The following LYRM7 variants were observed in gnomAD, a reference collection of about 807,000 sequenced individuals.
LYRM7 encodes the protein complex III assembly factor LYRM7.
In LYRM7, 9 loss-of-function variants were observed where a neutral mutation model predicts 15.8. The observed-to-expected ratio is 0.57, with a 90% confidence interval of 0.34 to 0.99. LYRM7 has a LOEUF of 0.99. Ranked by LOEUF, LYRM7 falls within the 50% of genes least tolerant of loss-of-function variation. The probability of loss-of-function intolerance (pLI) is 0.02; values close to 1 mark genes in which losing one functional copy is unlikely to be tolerated. For synonymous variants in LYRM7, 39 were observed against 39.4 expected, an observed-to-expected ratio of 0.99 and a Z score of 0.04; for missense variants, 115 against 119.1, an observed-to-expected ratio of 0.97 and a Z score of 0.16.
chr5:131,183,925 A>T lies in LYRM7; in HGVS notation c.162+1626A>T, dbSNP rs537628739. 2.0e-5 allele frequency among the ~76,000 whole-genome samples: 3 copies of T among 152,302 alleles called. No individual in the cohort carries two copies. The East Asian group carries it at 5.8e-4, about 29-fold the overall frequency. On this transcript the variant is annotated intron_variant, in intron 3 of 4. Transcript: ENST00000379380. Reference sequence around the variant, plus strand: ...ATATTTATGAAAAATAACTATTTTTAAAAATGTAGTGAGAAGAGTGGTATT... The same window carrying T: ...ATATTTATGAAAAATAACTATTTTTTAAAATGTAGTGAGAAGAGTGGTATT...
chr5:131,181,892 A>C (rs1464396801), intron 2 of LYRM7, among the ~76,000 whole-genome samples: 9 of 152,180 alleles, frequency 5.9e-5, no homozygotes, highest in Admixed American at 5.9e-4. Context: ...AAAGCATTTT[A>C]ATAGAAATCC....
intron 4 of LYRM7, among the ~76,000 whole-genome samples, chr5:131,194,236 A>G (rs1056365657): frequency 6.6e-6 from 1 of 152,226 alleles, no homozygotes; most frequent in Admixed American, 6.5e-5. Context: ...TAAAAACAGT[A>G]TATAGCATAT....
In LYRM7 at chr5:131,180,126, C is replaced by G; in HGVS notation, c.50C>G (p.Thr17Ser). ...CAGCTCTTTAAAACACTGCACAGGACCAGACAACAAGTTTTTAAAAATGAT... is the reference window on the plus strand; with the variant it reads ...CAGCTCTTTAAAACACTGCACAGGAGCAGACAACAAGTTTTTAAAAATGAT... ...VLQLFKTLHR[T>S]RQQVFKNDAR... The change falls in exon 2 of 5, where the codon ACC (threonine) becomes AGC (serine). Residue 17 changes from threonine to serine, a missense_variant. Coordinates refer to ENST00000379380, the MANE Select transcript of LYRM7 (RefSeq NM_181705.4). 3.7e-6 allele frequency: 6 copies of G among 1,612,732 alleles called. No homozygotes were observed. Among genetic ancestry groups the G allele is most frequent in the Non-Finnish European group, 4.2e-6 (5 of 1,179,118 alleles).
chr5:131,174,122 C>T (rs917603048), intron 1 of LYRM7, among the ~76,000 whole-genome samples: 1 of 152,216 alleles, frequency 6.6e-6, no homozygotes, highest in African/African-American at 2.4e-5. Context: ...TATTCTAAAT[C>T]CTTTGTTGTT....
intron 3 of LYRM7, among the ~76,000 whole-genome samples, chr5:131,186,008 T>C (rs1043406811): frequency 2.6e-5 from 4 of 152,216 alleles, no homozygotes; most frequent in Non-Finnish European, 4.4e-5. Context: ...TAATCTTAAT[T>C]TGTCAGTGGT....
At chr5:131,192,497 A>G (rs904673647) in intron 4 of LYRM7, among the ~76,000 whole-genome samples, 1 of 152,236 alleles carries the variant, frequency 6.6e-6, no homozygotes, top group African/African-American at 2.4e-5. Context: ...ATCATCACAC[A>G]TATACATGCA....
intron 3 of LYRM7, among the ~76,000 whole-genome samples, chr5:131,185,633 G>GA (rs2149662839): frequency 6.6e-6 from 1 of 152,148 alleles, no homozygotes; most frequent in Non-Finnish European, 1.5e-5. Flanking sequence ...CATCTCATCA[G>GA]AAAAATCTTT....
At chr5:131,197,841 G>A (rs1755991768) in intron 4 of LYRM7, among the ~76,000 whole-genome samples, 1 of 122,820 alleles carries the variant, frequency 8.1e-6, no homozygotes, top group South Asian at 2.7e-4. Flanking sequence ...CGCTGCATCT[G>A]GCCACTGTGT....
intron 4 of LYRM7, among the ~76,000 whole-genome samples, chr5:131,197,123 A>G (rs1279902467): frequency 6.6e-6 from 1 of 152,246 alleles, no homozygotes; most frequent in Non-Finnish European, 1.5e-5. Context: ...CTTTTGTAAC[A>G]CATGACATTA....
In LYRM7 at chr5:131,181,371, A is replaced by AT. The variant is rs1554089917; in HGVS notation, c.92-857dup. 7.5e-5 allele frequency among the ~76,000 whole-genome samples: 3 copies of AT among 40,252 alleles called. 1 individual carries two copies. The allele number at this position is 40,252 out of a possible 152,430, so 26.4% of individuals were successfully genotyped here. ...ATGTTATATATATATTAACATATAT[A>AT]TGTATATATAATATATACATATATA... On this transcript the variant is annotated intron_variant, in intron 2 of 4. Transcript: ENST00000379380.
intron 4 of LYRM7, among the ~76,000 whole-genome samples, chr5:131,189,631 A>G (rs1434666451): frequency 1.3e-5 from 2 of 152,050 alleles, no homozygotes; most frequent in African/African-American, 4.8e-5. Flanking sequence ...CTACTACTCT[A>G]CAGGATCACC....
chr5:131,197,587 G>A (rs1225618794), intron 4 of LYRM7, among the ~76,000 whole-genome samples: 4 of 138,254 alleles, frequency 2.9e-5, no homozygotes, highest in Non-Finnish European at 6.0e-5. Flanking sequence ...TGTCTCCCAG[G>A]CTGGAGTGCA....
At position 131,200,304 on chromosome 5, in the gene LYRM7, G is replaced by A. The variant is rs989048119; in HGVS notation, c.*703G>A. 1.3e-5 allele frequency: 2 copies of A among 152,278 alleles called. No individual in the cohort carries two copies. The highest frequency in any genetic ancestry group is 4.8e-5 in the African/African-American group (2 of 41,440). The allele number at this position is 152,278 out of a possible 1,614,324, so 9.4% of individuals were successfully genotyped here. On this transcript the variant is annotated 3_prime_UTR_variant, in exon 5 of 5. Coordinates refer to ENST00000379380, the MANE Select transcript of LYRM7 (RefSeq NM_181705.4). ...CAAACTATTTAATATGGCCTTAGTA[G>A]AATTAGCTGTATTTAGACAAAGTTA...
chr5:131,175,747 C>CTGGTT (rs58723248), intron 1 of LYRM7, among the ~76,000 whole-genome samples: 11,514 of 149,174 alleles, frequency 0.077, 919 homozygotes, highest in African/African-American at 0.21. Context: ...GTTGCCCAGG[C>CTGGTT]TGGTTTTGTT....
At chr5:131,172,238 A>G (rs1755534034) in intron 1 of LYRM7, among the ~76,000 whole-genome samples, 1 of 152,116 alleles carries the variant, frequency 6.6e-6, no homozygotes, top group African/African-American at 2.4e-5. Flanking sequence ...ACATGGTGAA[A>G]CCCTATCTCT....
chr5:131,179,746 G>A (rs1239860920), intron 1 of LYRM7, among the ~76,000 whole-genome samples: 2 of 151,996 alleles, frequency 1.3e-5, no homozygotes, highest in Non-Finnish European at 2.9e-5. Context: ...GACCAGCCTG[G>A]ACAACATGGT....
rs1183966670 is a variant in LYRM7 at position 131,203,491 on chromosome 5, T to C, written c.*3890T>C. 1 of 152,196 alleles carries C rather than the reference T, an allele frequency of 6.6e-6. No homozygotes were observed. Among genetic ancestry groups the C allele is most frequent in the Non-Finnish European group, 1.5e-5 (1 of 68,072 alleles). The allele number at this position is 152,196 out of a possible 1,614,324, so 9.4% of individuals were successfully genotyped here. On this transcript the variant is annotated 3_prime_UTR_variant, in exon 5 of 5. Coordinates refer to ENST00000379380, the MANE Select transcript of LYRM7 (RefSeq NM_181705.4). ...GGTGGATCACCTGAGGTTGGGAGTTTGAGACCAGCCTGACCAACATGGAGA... is the reference window on the plus strand; with the variant it reads ...GGTGGATCACCTGAGGTTGGGAGTTCGAGACCAGCCTGACCAACATGGAGA...
intron 1 of LYRM7, among the ~76,000 whole-genome samples, chr5:131,174,736 T>G (rs1336136211): frequency 6.6e-6 from 1 of 152,026 alleles, no homozygotes; most frequent in Non-Finnish European, 1.5e-5. Context: ...CCCAGCAACT[T>G]TGGAGGCTGA....
At chr5:131,191,601 C>T (rs1163277368) in intron 4 of LYRM7, among the ~76,000 whole-genome samples, 1 of 151,956 alleles carries the variant, frequency 6.6e-6, no homozygotes, top group African/African-American at 2.4e-5. Flanking sequence ...TTCCAGACAT[C>T]TCTTAAAAGG....
Sources: gnomAD v4.1 joint callset for allele counts (sites outside exome capture counted in the v4.1 genomes callset) on GRCh38, gnomAD v4.1.1 for gene constraint, MANE v1.5 for transcripts, NCBI Gene and HGNC (gene_info 2026-07-23, HGNC 2026-07-21) for gene names.